The following PTPRM variants were observed in gnomAD, a reference collection of about 807,000 sequenced individuals.
PTPRM encodes the protein receptor-type tyrosine-protein phosphatase mu.
In PTPRM, 47 loss-of-function variants were observed where a neutral mutation model predicts 186.7. The ratio of observed to expected loss-of-function variants is 0.25; its 90% confidence interval spans 0.20 to 0.32. PTPRM has a LOEUF of 0.32. Ranked by LOEUF, PTPRM falls within the 10% of genes least tolerant of loss-of-function variation. The pLI is 1.00. For missense variants in PTPRM, 1,494 were observed against 1,865.0 expected (o/e 0.80, Z 3.66); for synonymous variants, 668 against 674.9 (o/e 0.99, Z 0.16).
At chr18:8,002,009 T>A (rs546999111) in intron 7 of PTPRM, among the ~76,000 whole-genome samples, 2 of 152,314 alleles carry the variant, frequency 1.3e-5, no homozygotes, top group South Asian at 2.1e-4. Flanking sequence ...TAAAAAGAGT[T>A]ATTGTTAAAT....
chr18:7,790,069 C>A (rs1026635534), intron 2 of PTPRM, among the ~76,000 whole-genome samples: 2 of 152,198 alleles, frequency 1.3e-5, no homozygotes, highest in Non-Finnish European at 2.9e-5. Flanking sequence ...TTCACTGGGG[C>A]CTCTGCTGTT....
At chr18:8,140,750 A>G (rs1227980335) in intron 13 of PTPRM, among the ~76,000 whole-genome samples, 1 of 152,170 alleles carries the variant, frequency 6.6e-6, no homozygotes, top group African/African-American at 2.4e-5. Flanking sequence ...AAAGGAACTA[A>G]ATGCACACTG....
intron 2 of PTPRM, among the ~76,000 whole-genome samples, chr18:7,788,631 A>T (rs2043198344): frequency 6.6e-6 from 1 of 152,208 alleles, no homozygotes; most frequent in African/African-American, 2.4e-5. Context: ...GTGGCTAAAC[A>T]TGTTTTGAAA....
chr18:8,291,668 C>G (rs1476066211), intron 19 of PTPRM, among the ~76,000 whole-genome samples: 1 of 152,052 alleles, frequency 6.6e-6, no homozygotes, highest in African/African-American at 2.4e-5. Context: ...GGGTGAACAT[C>G]TTACAAAATG....
At chr18:8,378,842 G>A (rs527868189) in intron 27 of PTPRM, among the ~76,000 whole-genome samples, 5 of 152,062 alleles carry the variant, frequency 3.3e-5, no homozygotes, top group Admixed American at 2.6e-4. Context: ...AGATGTACCC[G>A]AGTCAAGGCC....
intron 1 of PTPRM, among the ~76,000 whole-genome samples, chr18:7,630,234 A>G (rs1226460293): frequency 6.6e-6 from 1 of 152,124 alleles, no homozygotes; most frequent in Non-Finnish European, 1.5e-5. Flanking sequence ...AGGGCTCCAG[A>G]CATCTAATGT....
chr18:8,000,048 A>G (rs2083774653), intron 7 of PTPRM, among the ~76,000 whole-genome samples: 1 of 152,186 alleles, frequency 6.6e-6, no homozygotes, highest in African/African-American at 2.4e-5. Context: ...AGGCAAGGGG[A>G]ATTACCAGTC....
At chr18:8,236,994 A>T (rs1342635388) in intron 14 of PTPRM, among the ~76,000 whole-genome samples, 1 of 151,640 alleles carries the variant, frequency 6.6e-6, no homozygotes, top group Non-Finnish European at 1.5e-5. Flanking sequence ...ATTTTATATT[A>T]TCCCATTTTG....
At chr18:8,112,144 G>T (rs568400966) in intron 11 of PTPRM, among the ~76,000 whole-genome samples, 234 of 152,290 alleles carry the variant, frequency 1.5e-3, no homozygotes, top group African/African-American at 5.2e-3. Context: ...TACATCACTG[G>T]TAATATTCAC....
intron 1 of PTPRM, among the ~76,000 whole-genome samples, chr18:7,699,402 A>G (rs1470491168): frequency 6.6e-6 from 1 of 152,010 alleles, no homozygotes; most frequent in Non-Finnish European, 1.5e-5. Flanking sequence ...AAAGCTATTA[A>G]TTTATTTTTA....
chr18:7,894,367 A>T (rs2049236958), intron 3 of PTPRM, among the ~76,000 whole-genome samples: 1 of 152,010 alleles, frequency 6.6e-6, no homozygotes, highest in South Asian at 2.1e-4. Flanking sequence ...CAGGCGGATC[A>T]TGAGGTCAGG....
At chr18:7,610,725 A>G (rs1567982042) in intron 1 of PTPRM, among the ~76,000 whole-genome samples, 1 of 152,382 alleles carries the variant, frequency 6.6e-6, no homozygotes, top group East Asian at 1.9e-4. Flanking sequence ...CTGTGTTGTC[A>G]GTCATATAAA....
intron 14 of PTPRM, among the ~76,000 whole-genome samples, chr18:8,163,439 C>T (rs778138902): frequency 2.0e-5 from 3 of 152,162 alleles, no homozygotes; most frequent in Admixed American, 6.5e-5. Context: ...TCTCTTTCAC[C>T]GTATAATTAG....
At chr18:8,289,172 C>G (rs1324005029) in intron 19 of PTPRM, among the ~76,000 whole-genome samples, 1 of 151,988 alleles carries the variant, frequency 6.6e-6, no homozygotes, top group Non-Finnish European at 1.5e-5. Context: ...GTCTTTCATA[C>G]TAAATTTCCT....
intron 32 of PTPRM, among the ~76,000 whole-genome samples, chr18:8,396,236 G>A (rs955152157): frequency 6.6e-6 from 1 of 152,260 alleles, no homozygotes; most frequent in Non-Finnish European, 1.5e-5. Context: ...GTTTGGGCTA[G>A]CAGAGGATAG....
chr18:8,340,260 G>A (rs1448420737), intron 22 of PTPRM, among the ~76,000 whole-genome samples: 1 of 152,042 alleles, frequency 6.6e-6, no homozygotes, highest in African/African-American at 2.4e-5. Flanking sequence ...TTTCTTTCTG[G>A]GATCTATTTA....
At chr18:7,763,591 A>G (rs944603546) in intron 1 of PTPRM, among the ~76,000 whole-genome samples, 19 of 152,240 alleles carry the variant, frequency 1.2e-4, no homozygotes, top group Admixed American at 9.8e-4. Flanking sequence ...TGGTTGTATT[A>G]GAAGAAGTTC....
chr18:7,943,258 T>C (rs2052307606), intron 5 of PTPRM, among the ~76,000 whole-genome samples: 1 of 152,162 alleles, frequency 6.6e-6, no homozygotes, highest in Non-Finnish European at 1.5e-5. Flanking sequence ...TCTTCTGTTT[T>C]GTTATCCCAC....
intron 23 of PTPRM, among the ~76,000 whole-genome samples, chr18:8,367,581 G>T (rs1287363484): frequency 6.6e-6 from 1 of 152,268 alleles, no homozygotes; most frequent in Non-Finnish European, 1.5e-5. Flanking sequence ...GCGCGGGGGC[G>T]CCCGGCTTCA....
Sources: allele counts gnomAD v4.1 joint callset (sites outside exome capture counted in the v4.1 genomes callset), GRCh38; gene constraint gnomAD v4.1.1; transcripts MANE v1.5; gene names NCBI Gene and HGNC (gene_info 2026-07-23, HGNC 2026-07-21).